Variants in PNN observed in about 807,000 individuals in gnomAD.
PNN encodes the protein pinin, desmosome associated protein.
Under a neutral mutation model 76.6 loss-of-function variants are expected in PNN, and 38 were observed. The observed-to-expected ratio is 0.50, with a 90% CI of 0.38 to 0.65. PNN has a LOEUF of 0.65. Among genes scored for constraint, PNN ranks in the 30% least tolerant of loss-of-function variants. The pLI is 0.00. For synonymous variants in PNN, 366 were observed against 283.7 expected (o/e 1.29, Z -2.91); for missense variants, 873 against 874.1 (o/e 1.00, Z 0.02).
chr14:39,178,140 A>T (rs1220512865), intron 6 of PNN, among the ~76,000 whole-genome samples: 1 of 151,336 alleles, frequency 6.6e-6, no homozygotes, highest in African/African-American at 2.5e-5. Context: ...AAATTTAGAT[A>T]TGTGAAAAAA....
chr14:39,178,051 T>C, intron 6 of PNN, 135 bp downstream of exon 6: 1 of 670,642 alleles, frequency 1.5e-6, no homozygotes, highest in Non-Finnish European at 2.6e-6. Flanking sequence ...AAAAACTTGG[T>C]TTAACTTCTT....
chr14:39,176,895 G>C (rs533979299), intron 3 of PNN, among the ~76,000 whole-genome samples: 1 of 152,128 alleles, frequency 6.6e-6, no homozygotes, highest in African/African-American at 2.4e-5. Flanking sequence ...AACTTAACCA[G>C]TTTGAAATAC....
In PNN at chr14:39,175,635, G is replaced by C. The variant is rs184920573; in HGVS notation, c.113+243G>C. ...CCTGGGTGCGCCGGCATGCTTTCTT[G>C]GCCTGTGAGAAGACCCGGACTGCTG... On this transcript the variant is annotated intron_variant, in intron 1 of 8. Coordinates refer to ENST00000216832, the MANE Select transcript of PNN (RefSeq NM_002687.4). 8.9e-4 allele frequency: 479 copies of C among 537,954 alleles called. 1 individual carries two copies. The highest frequency in any genetic ancestry group is 1.3e-3 in the Non-Finnish European group (400 of 306,326). The allele number at this position is 537,954 out of a possible 1,614,324, so 33.3% of individuals were successfully genotyped here.
At chr14:39,175,589 C>T (rs1162705525) in intron 1 of PNN, among the ~76,000 whole-genome samples, 197 bp downstream of exon 1, 5 of 152,188 alleles carry the variant, frequency 3.3e-5, no homozygotes, top group Admixed American at 3.3e-4. Context: ...GGTCTCAGGT[C>T]CCTGAGGAAG....
chr14:39,175,920 G>C, intron 1 of PNN, 158 bp from the exon 2 acceptor site: 2 of 595,328 alleles, frequency 3.4e-6, no homozygotes. Flanking sequence ...AAATGAAATA[G>C]TACTTCCTGT....
At position 39,176,343 on chromosome 14, in the gene PNN, T is replaced by G. The variant is rs17108946; in HGVS notation, c.186-184T>G. On this transcript the variant is annotated intron_variant, in intron 2 of 8. Coordinates refer to ENST00000216832, the MANE Select transcript of PNN (RefSeq NM_002687.4). ...CTGGAGGTTGAAGAATATATTAAGT[T>G]TACCAATTTTGAGTGAACTTAATTC... The G allele has an allele frequency of 0.01, 6,465 of 635,162 alleles. 304 individuals carry two copies. The African/African-American group carries it at 0.1, about 10-fold the overall frequency. 39.3% of individuals were successfully genotyped at this position (635,162 alleles called of 1,614,324 possible).
chr14:39,176,517 T>A lies in PNN; in HGVS notation c.186-10T>A. 6.3e-7 allele frequency: 1 copy of A among 1,593,828 alleles called. No homozygotes were observed. Among genetic ancestry groups the A allele is most frequent in the Non-Finnish European group, 8.6e-7 (1 of 1,167,272 alleles). Reference sequence around the variant, plus strand: ...TTCAAGTGTTTTATGTTGAACATTTTAAATTTCAGGCGTGGATTCTCAGAT... The same window carrying A: ...TTCAAGTGTTTTATGTTGAACATTTAAAATTTCAGGCGTGGATTCTCAGAT... On this transcript the variant is annotated splice_polypyrimidine_tract_variant and intron_variant, in intron 2 of 8. Coordinates refer to ENST00000216832, the MANE Select transcript of PNN (RefSeq NM_002687.4).
intron 6 of PNN, chr14:39,178,884 G>A: frequency 2.1e-6 from 1 of 473,454 alleles, no homozygotes; most frequent in Non-Finnish European, 3.7e-6. Flanking sequence ...GATTATAGGT[G>A]CGTGCAACCA....
chr14:39,180,653 G>T lies in PNN; in HGVS notation c.944G>T (p.Arg315Leu), dbSNP rs144685853. The change falls in exon 9 of 9, where the codon CGA (arginine) becomes CTA (leucine). Residue 315 changes from arginine (R) to leucine (L), a missense_variant. Transcript: ENST00000216832. ...AEQEEGKVAQ[R>L]EEELEETGNQ... ...CAAGAAGAGGGTAAGGTGGCTCAGC[G>T]AGAGGAAGAGTTGGAGGAGACAGGT... 5 of 1,612,962 alleles carry T rather than the reference G, an allele frequency of 3.1e-6. No individual in the cohort carries two copies. The highest frequency in any genetic ancestry group is 4.2e-6 in the Non-Finnish European group (5 of 1,179,442).
intron 6 of PNN, 42 bp from the exon 7 acceptor site, chr14:39,179,049 A>C: frequency 6.4e-7 from 1 of 1,565,434 alleles, no homozygotes; most frequent in South Asian, 1.2e-5. Context: ...TGTTGTAACT[A>C]TTTCAACACG....
At position 39,181,647 on chromosome 14, in the gene PNN, C is replaced by A. The variant is rs921506992; in HGVS notation, c.1938C>A (p.His646Gln). Residue 646 changes from histidine (H) to glutamine (Q), a missense_variant, in exon 9 of 9, where the codon CAC becomes CAA. Transcript: ENST00000216832. Reference sequence around the variant, plus strand: ...GGGGACATAATAGAGATAGAAAGCACAGAAGGAGCGTGGATCGGAAGAGAA... The same window carrying A: ...GGGGACATAATAGAGATAGAAAGCAAAGAAGGAGCGTGGATCGGAAGAGAA... Reference protein sequence around the residue: ...RGRGHNRDRKHRRSVDRKRRD... With the variant: ...RGRGHNRDRKQRRSVDRKRRD... 1.2e-6 allele frequency: 2 copies of A among 1,613,934 alleles called. No homozygotes were observed. The highest frequency in any genetic ancestry group is 3.3e-5 in the Admixed American group (2 of 59,988).
rs1033286138 is a variant in PNN, at chr14:39,182,495, T to C, written c.*632T>C. 3.3e-5 allele frequency: 5 copies of C among 152,690 alleles called. No homozygotes were observed. The highest frequency in any genetic ancestry group is 2.0e-4 in the Admixed American group (3 of 15,282). The allele number at this position is 152,690 out of a possible 1,614,324, so 9.5% of individuals were successfully genotyped here. ...TTTAATCTAAGCATTTTCCCCCGTT[T>C]CTCATATTTTAACCATATGTTCGGT... On this transcript the variant is annotated 3_prime_UTR_variant, in exon 9 of 9. Transcript: ENST00000216832.
chr14:39,181,908 T>A lies in PNN; in HGVS notation c.*45T>A, dbSNP rs751201343. 1 of 1,512,556 alleles carries A rather than the reference T, an allele frequency of 6.6e-7. No individual in the cohort carries two copies. The highest frequency in any genetic ancestry group is 1.4e-5 in the South Asian group (1 of 73,730). The allele number at this position is 1,512,556 out of a possible 1,614,324, so 93.7% of individuals were successfully genotyped here. A position where few individuals can be genotyped will look rare whatever the true frequency, so the allele number is the denominator to read the frequency against. On this transcript the variant is annotated 3_prime_UTR_variant, in exon 9 of 9. Transcript: ENST00000216832. ...TTAGCCATTCTTTGCAGCAGAAGAT[T>A]TCTTGATAAAAAAGGATTACCTTTC... is the stretch of plus-strand genomic sequence containing the variant.
At chr14:39,175,818 G>A (rs1207903527) in intron 1 of PNN, 4 of 497,602 alleles carry the variant, frequency 8.0e-6, no homozygotes, top group South Asian at 7.0e-5. Flanking sequence ...CGGGGATGGC[G>A]GGATGGGGAC....
Position 39,179,237 on chromosome 14 carries a change from T to C in PNN, c.645T>C (p.Leu215=), listed in dbSNP as rs1475963503. ...GGCTTTTGGAACAGAAAGTTGAGCT[T>C]GCGCAGCTGGTGAGTGGTAATTTGG... ...ELRLLEQKVE[L]AQLQEEWNEH... is the part of the protein sequence containing the mutation. Residue 215 remains leucine (L), a synonymous_variant, in exon 7 of 9, where the codon CTT becomes CTC. Transcript: ENST00000216832. The C allele has an allele frequency of 1.2e-6, 2 of 1,612,244 alleles. No homozygotes were observed. The highest frequency in any genetic ancestry group is 1.7e-6 in the Non-Finnish European group (2 of 1,179,596).
chr14:39,179,030 T>C lies in PNN; in HGVS notation c.499-61T>C, dbSNP rs561553311. The C allele has an allele frequency of 5.5e-6, 8 of 1,464,066 alleles. No homozygotes were observed. The African/African-American group carries it at 7.1e-5, about 13-fold the overall frequency. The allele number at this position is 1,464,066 out of a possible 1,614,324, so 90.7% of individuals were successfully genotyped here. A position where few individuals can be genotyped will look rare whatever the true frequency, so the allele number is the denominator to read the frequency against. The stretch of plus-strand genomic sequence containing the variant: ...TTATCATAATTGAACTGAAATCATA[T>C]ATACCTTTTGTTGTAACTATTTCAA... On this transcript the variant is annotated intron_variant, in intron 6 of 8. Coordinates refer to ENST00000216832, the MANE Select transcript of PNN (RefSeq NM_002687.4).
chr14:39,182,309 C>T lies in PNN; in HGVS notation c.*446C>T, dbSNP rs2053276253. On this transcript the variant is annotated 3_prime_UTR_variant, in exon 9 of 9. Transcript: ENST00000216832. ...TAAATATCCTCTTTATCATTTTCAG[C>T]TTTTAACACTAGATACTGCACGTGA... The T allele has an allele frequency of 6.4e-6, 1 of 155,344 alleles. No homozygotes were observed. Among genetic ancestry groups the T allele is most frequent in the African/African-American group, 2.4e-5 (1 of 41,452 alleles). The allele number at this position is 155,344 out of a possible 1,614,324, so 9.6% of individuals were successfully genotyped here.
chr14:39,175,497 C>G, intron 1 of PNN, 105 bp downstream of exon 1: 1 of 728,468 alleles, frequency 1.4e-6, no homozygotes, highest in South Asian at 1.5e-5. Flanking sequence ...AGACTGGAAC[C>G]TCGAGGCCTG....
In PNN at chr14:39,180,663, G is replaced by A; in HGVS notation, c.954G>A (p.Glu318=). The A allele has an allele frequency of 6.2e-7, 1 of 1,612,690 alleles. No individual in the cohort carries two copies. Among genetic ancestry groups the A allele is most frequent in the Non-Finnish European group, 8.5e-7 (1 of 1,179,292 alleles). ...EEGKVAQREE[E]LEETGNQHND... ...GTAAGGTGGCTCAGCGAGAGGAAGA[G>A]TTGGAGGAGACAGGTAATCAGCACA... is the stretch of plus-strand genomic sequence containing the variant. Residue 318 remains glutamate (E), a synonymous_variant, in exon 9 of 9, where the codon GAG becomes GAA. Coordinates refer to ENST00000216832, the MANE Select transcript of PNN (RefSeq NM_002687.4).
Sources: allele counts gnomAD v4.1 joint callset (sites outside exome capture counted in the v4.1 genomes callset), GRCh38; gene constraint gnomAD v4.1.1; transcripts MANE v1.5; gene names NCBI Gene and HGNC (gene_info 2026-07-23, HGNC 2026-07-21).